Variants in CNTN5 observed in about 807,000 individuals in gnomAD.
The protein encoded by CNTN5 is contactin-5.
Under a neutral mutation model 129.1 loss-of-function variants are expected in CNTN5, and 77 were observed. The observed-to-expected ratio is 0.60, with a 90% confidence interval of 0.50 to 0.72. The LOEUF is 0.72. Ranked by LOEUF, CNTN5 falls within the 30% of genes least tolerant of loss-of-function variation. The pLI is 0.00. For missense variants in CNTN5, 1,478 were observed against 1,328.8 expected, an observed-to-expected ratio of 1.11 and a Z score of -1.75; for synonymous variants, 509 against 465.6, an observed-to-expected ratio of 1.09 and a Z score of -1.20.
chr11:99,732,077 A>T (rs2135103646), intron 3 of CNTN5, among the ~76,000 whole-genome samples: 1 of 152,356 alleles, frequency 6.6e-6, no homozygotes, highest in East Asian at 1.9e-4. Context: ...TACAAAGAAG[A>T]CAAATAGTTG....
At chr11:99,352,689 A>G (rs553846320) in intron 2 of CNTN5, among the ~76,000 whole-genome samples, 1 of 152,290 alleles carries the variant, frequency 6.6e-6, no homozygotes, top group African/African-American at 2.4e-5. Flanking sequence ...AGCAGGCATT[A>G]TCTTCCCAGC....
chr11:99,961,029 C>A (rs1950927718), intron 8 of CNTN5, among the ~76,000 whole-genome samples: 1 of 151,666 alleles, frequency 6.6e-6, no homozygotes, highest in South Asian at 2.1e-4. Flanking sequence ...ATGGAGAAAA[C>A]CTGTCTCTAC....
At chr11:99,825,989 T>C (rs1403345076) in intron 4 of CNTN5, among the ~76,000 whole-genome samples, 1 of 152,180 alleles carries the variant, frequency 6.6e-6, no homozygotes, top group Non-Finnish European at 1.5e-5. Flanking sequence ...TCGTCTGTTC[T>C]TCATTTCTAC....
At chr11:100,070,685 TTG>T in intron 11 of CNTN5, 125 bp downstream of exon 11, 1 of 761,710 alleles carries the variant, frequency 1.3e-6, no homozygotes, top group Non-Finnish European at 2.1e-6. Context: ...TAGGACATGT[TTG>T]TGTTAAGGAT....
chr11:99,324,115 G>C (rs1030795096), intron 1 of CNTN5, among the ~76,000 whole-genome samples: 3 of 152,146 alleles, frequency 2.0e-5, no homozygotes, highest in Non-Finnish European at 4.4e-5. Flanking sequence ...TAACAAAAAT[G>C]TCAATTTCCT....
intron 2 of CNTN5, among the ~76,000 whole-genome samples, chr11:99,430,367 ATG>A (rs2135100203): frequency 6.7e-6 from 1 of 148,460 alleles, no homozygotes; most frequent in African/African-American, 2.5e-5. Flanking sequence ...ATATATATAT[ATG>A]TGTGCACGCA....
At chr11:99,922,645 A>C (rs1169979911) in intron 7 of CNTN5, among the ~76,000 whole-genome samples, 1 of 152,168 alleles carries the variant, frequency 6.6e-6, no homozygotes, top group Non-Finnish European at 1.5e-5. Context: ...TTTTCAAATC[A>C]TAATTAGTTT....
At chr11:99,616,219 C>G (rs1472282916) in intron 3 of CNTN5, among the ~76,000 whole-genome samples, 1 of 152,130 alleles carries the variant, frequency 6.6e-6, no homozygotes, top group Non-Finnish European at 1.5e-5. Context: ...CTCTACTTCC[C>G]CTAACATTTG....
At chr11:100,072,990 C>CAAAAAATAAAA (rs1943985334) in intron 12 of CNTN5, among the ~76,000 whole-genome samples, 1 of 79,054 alleles carries the variant, frequency 1.3e-5, no homozygotes. Flanking sequence ...TCCCAGGAGG[C>CAAAAAATAAAA]AAAAAAAAAA....
At chr11:99,912,406 A>C (rs1949684916) in intron 6 of CNTN5, among the ~76,000 whole-genome samples, 1 of 152,026 alleles carries the variant, frequency 6.6e-6, no homozygotes, top group African/African-American at 2.4e-5. Context: ...AGCTATGAAA[A>C]GTTGGCCCAA....
chr11:99,408,452 A>AAGAAAGAAAGAGAG (rs1565557911), intron 2 of CNTN5, among the ~76,000 whole-genome samples: 1 of 91,018 alleles, frequency 1.1e-5, no homozygotes, highest in Non-Finnish European at 2.2e-5. Flanking sequence ...AAGAAAGAGA[A>AAGAAAGAAAGAGAG]AGAAAGAAAG....
At chr11:99,762,504 A>T (rs1193323567) in intron 3 of CNTN5, among the ~76,000 whole-genome samples, 1 of 151,846 alleles carries the variant, frequency 6.6e-6, no homozygotes, top group African/African-American at 2.4e-5. Flanking sequence ...TTTTCCCAGC[A>T]CCATTTATTA....
intron 1 of CNTN5, among the ~76,000 whole-genome samples, chr11:99,215,887 T>C (rs1470812517): frequency 1.3e-5 from 2 of 152,162 alleles, no homozygotes; most frequent in Non-Finnish European, 2.9e-5. Context: ...AATTTTGTTA[T>C]TATTAATCGT....
chr11:100,052,450 C>T (rs1943010312), intron 9 of CNTN5, among the ~76,000 whole-genome samples: 1 of 151,632 alleles, frequency 6.6e-6, no homozygotes, highest in Admixed American at 6.6e-5. Flanking sequence ...TGTGTATTTT[C>T]AAGAATCTAC....
chr11:99,331,834 T>C (rs998419630), intron 2 of CNTN5, among the ~76,000 whole-genome samples: 3 of 152,118 alleles, frequency 2.0e-5, no homozygotes, highest in African/African-American at 7.2e-5. Flanking sequence ...CTTTGAACAA[T>C]TGAATTAACA....
intron 13 of CNTN5, among the ~76,000 whole-genome samples, chr11:100,163,116 A>G (rs1294746696): frequency 6.6e-6 from 1 of 151,500 alleles, no homozygotes; most frequent in African/African-American, 2.4e-5. Flanking sequence ...TCTGTACTAA[A>G]TTTCATTTCG....
At chr11:99,080,167 A>G (rs1451813141) in intron 1 of CNTN5, among the ~76,000 whole-genome samples, 2 of 152,226 alleles carry the variant, frequency 1.3e-5, no homozygotes, top group Non-Finnish European at 2.9e-5. Context: ...AAGAAGAGAA[A>G]AATAAAGGCA....
intron 2 of CNTN5, among the ~76,000 whole-genome samples, chr11:99,493,219 TTC>T (rs1486047803): frequency 1.3e-5 from 2 of 152,256 alleles, no homozygotes; most frequent in Non-Finnish European, 2.9e-5. Flanking sequence ...TTAAGTTTGT[TTC>T]TTTCTTTTTG....
intron 13 of CNTN5, among the ~76,000 whole-genome samples, chr11:100,135,655 C>T (rs138001414): frequency 5.9e-4 from 90 of 152,102 alleles, no homozygotes; most frequent in African/African-American, 1.8e-3. Flanking sequence ...ACTAATATGA[C>T]GAGTTTTCTT....
Sources: allele counts gnomAD v4.1 joint callset (sites outside exome capture counted in the v4.1 genomes callset), GRCh38; gene constraint gnomAD v4.1.1; transcripts MANE v1.5; gene names NCBI Gene and HGNC (gene_info 2026-07-23, HGNC 2026-07-21).